Variants in NT5C2 observed in about 807,000 individuals in gnomAD.
The protein encoded by NT5C2 is 5'-nucleotidase, cytosolic II.
NT5C2 carries 58 observed loss-of-function variants against 76.1 expected under a neutral mutation model. The observed-to-expected ratio is 0.76, with a 90% CI of 0.62 to 0.95. NT5C2 has a LOEUF of 0.95. NT5C2 is among the 40% of genes least tolerant of loss of function. The pLI, the probability that NT5C2 is intolerant of heterozygous loss-of-function variation, is 0.00. For missense variants in NT5C2, 478 were observed against 690.3 expected (o/e 0.69, Z 3.45); for synonymous variants, 229 against 237.4 (o/e 0.96, Z 0.32).
At chr10:103,181,747 G>C (rs1459970280) in intron 1 of NT5C2, among the ~76,000 whole-genome samples, 3 of 152,180 alleles carry the variant, frequency 2.0e-5, no homozygotes, top group African/African-American at 7.2e-5. Flanking sequence ...GCTCACGCCT[G>C]TAATCCTGGC....
At chr10:103,138,076 T>A (rs765126229) in intron 4 of NT5C2, among the ~76,000 whole-genome samples, 1 of 151,442 alleles carries the variant, frequency 6.6e-6, no homozygotes, top group Non-Finnish European at 1.5e-5. Context: ...AACATGCTGA[T>A]GAAAACATCT....
chr10:103,152,637 A>G (rs544240240), intron 3 of NT5C2, among the ~76,000 whole-genome samples: 3 of 152,344 alleles, frequency 2.0e-5, no homozygotes, highest in Admixed American at 2.0e-4. Context: ...ATCTCTCTAA[A>G]ATTAACCAGG....
At chr10:103,134,320 G>A (rs747963088) in intron 4 of NT5C2, among the ~76,000 whole-genome samples, 12 of 152,200 alleles carry the variant, frequency 7.9e-5, no homozygotes, top group Non-Finnish European at 1.8e-4. Context: ...GGCTCCCCAT[G>A]CTGTGTGCAG....
intron 1 of NT5C2, among the ~76,000 whole-genome samples, chr10:103,192,060 T>C (rs1242851915): frequency 6.6e-6 from 1 of 152,152 alleles, no homozygotes; most frequent in African/African-American, 2.4e-5. Context: ...CTAACCGTTG[T>C]TGAAAAGCCA....
intron 3 of NT5C2, among the ~76,000 whole-genome samples, chr10:103,152,202 T>C (rs1268891837): frequency 6.6e-6 from 1 of 152,188 alleles, no homozygotes; most frequent in African/African-American, 2.4e-5. Context: ...TACCTATCTA[T>C]AGCCAGTGGT....
At chr10:103,115,289 C>T (rs1340302222) in intron 4 of NT5C2, among the ~76,000 whole-genome samples, 1 of 151,952 alleles carries the variant, frequency 6.6e-6, no homozygotes, top group Non-Finnish European at 1.5e-5. Flanking sequence ...GTAGTCCCAG[C>T]TACTCAGGAG....
chr10:103,125,135 TTACTC>T, intron 4 of NT5C2: 2 of 525,326 alleles, frequency 3.8e-6, no homozygotes, highest in Non-Finnish European at 3.5e-6. Context: ...TGGAAGCAGA[TTACTC>T]TACCATTTTT....
At chr10:103,135,513 G>A (rs1218574848) in intron 4 of NT5C2, among the ~76,000 whole-genome samples, 8 of 152,088 alleles carry the variant, frequency 5.3e-5, no homozygotes, top group Non-Finnish European at 7.4e-5. Flanking sequence ...GGTGGCTCAC[G>A]CTTGTAATCC....
At chr10:103,112,809 C>CTCAT (rs1275014720) in intron 4 of NT5C2, among the ~76,000 whole-genome samples, 1 of 152,192 alleles carries the variant, frequency 6.6e-6, no homozygotes, top group Admixed American at 6.5e-5. Context: ...CATCAACATG[C>CTCAT]TCATCTATTT....
chr10:103,088,282 G>A lies in NT5C2; in HGVS notation c.*1390C>T, dbSNP rs1365802232. ...TCTATAACCACTGTTTGTTTAAAAT[G>A]TTGAAACAACTTTCACTGTACTGGT... On this transcript the variant is annotated 3_prime_UTR_variant, in exon 19 of 19. Coordinates refer to ENST00000404739, the MANE Select transcript of NT5C2 (RefSeq NM_001351169.2). The A allele has an allele frequency of 1.3e-5, 2 of 152,338 alleles. No homozygotes were observed. The highest frequency in any genetic ancestry group is 1.5e-5 in the Non-Finnish European group (1 of 68,018). The allele number at this position is 152,338 out of a possible 1,614,324, so 9.4% of individuals were successfully genotyped here.
chr10:103,133,639 T>C (rs897725436), intron 4 of NT5C2, among the ~76,000 whole-genome samples: 2 of 152,124 alleles, frequency 1.3e-5, no homozygotes, highest in Non-Finnish European at 2.9e-5. Context: ...ATATAGTAAA[T>C]TGGTACCAGT....
chr10:103,183,291 A>ATTATATATATATATATC (rs1445988095), intron 1 of NT5C2, among the ~76,000 whole-genome samples: 12 of 128,132 alleles, frequency 9.4e-5, no homozygotes, highest in Admixed American at 2.6e-4. Flanking sequence ...ATATATATAT[A>ATTATATATATATATATC]TATCACACAC....
intron 2 of NT5C2, among the ~76,000 whole-genome samples, chr10:103,177,178 C>T (rs1180393421): frequency 6.6e-6 from 1 of 152,094 alleles, no homozygotes; most frequent in Admixed American, 6.6e-5. Flanking sequence ...AATGCTTTTA[C>T]ATTTTTCTGT....
chr10:103,167,841 G>C (rs1470607234), intron 3 of NT5C2, among the ~76,000 whole-genome samples: 1 of 152,014 alleles, frequency 6.6e-6, no homozygotes, highest in Non-Finnish European at 1.5e-5. Context: ...ATGTTGCCCA[G>C]GCTGGTCTTG....
At chr10:103,164,615 G>A (rs2085898958) in intron 3 of NT5C2, among the ~76,000 whole-genome samples, 3 of 151,996 alleles carry the variant, frequency 2.0e-5, no homozygotes, top group Admixed American at 2.0e-4. Flanking sequence ...AATAAATGAT[G>A]AAATAAATTG....
At chr10:103,155,573 T>C (rs2083201710) in intron 3 of NT5C2, among the ~76,000 whole-genome samples, 1 of 151,958 alleles carries the variant, frequency 6.6e-6, no homozygotes, top group Non-Finnish European at 1.5e-5. Flanking sequence ...CAAAATGACA[T>C]AAACATCATG....
chr10:103,138,432 CCT>C (rs547327611), intron 4 of NT5C2, among the ~76,000 whole-genome samples: 353 of 152,238 alleles, frequency 2.3e-3, no homozygotes, highest in African/African-American at 7.4e-3. Flanking sequence ...CCTCCCTTTG[CCT>C]CTCACCCCCC....
chr10:103,114,836 T>C (rs770374975), intron 4 of NT5C2, among the ~76,000 whole-genome samples: 1 of 152,236 alleles, frequency 6.6e-6, no homozygotes, highest in African/African-American at 2.4e-5. Flanking sequence ...CTTCACTAGA[T>C]TATCAAAACC....
At chr10:103,112,320 T>C (rs1214551472) in intron 4 of NT5C2, among the ~76,000 whole-genome samples, 1 of 152,140 alleles carries the variant, frequency 6.6e-6, no homozygotes, top group African/African-American at 2.4e-5. Context: ...TTAGTCATTA[T>C]CAAGATTCTA....
Sources: allele counts gnomAD v4.1 joint callset (sites outside exome capture counted in the v4.1 genomes callset), GRCh38; gene constraint gnomAD v4.1.1; transcripts MANE v1.5; gene names NCBI Gene and HGNC (gene_info 2026-07-23, HGNC 2026-07-21).